TTC28: variants seen among roughly 807,000 people sequenced by gnomAD.
TTC28 encodes the protein tetratricopeptide repeat protein 28.
TTC28 carries 61 observed loss-of-function variants against 198.0 expected under a neutral mutation model. The ratio of observed to expected loss-of-function variants is 0.31; its 90% CI spans 0.25 to 0.38. The LOEUF is 0.38. Ranked by LOEUF, TTC28 falls within the 10% of genes least tolerant of loss-of-function variation. The probability of loss-of-function intolerance (pLI) is 1.00; values close to 1 mark genes in which losing one functional copy is unlikely to be tolerated. For missense variants in TTC28, 2,678 were observed against 3,164.0 expected (o/e 0.85, Z 3.69); for synonymous variants, 1,171 against 1,297.8 (o/e 0.90, Z 2.10).
At chr22:28,288,269 TCTTTTTA>T (rs1446833516) in intron 5 of TTC28, among the ~76,000 whole-genome samples, 4 of 152,220 alleles carry the variant, frequency 2.6e-5, no homozygotes, top group Non-Finnish European at 5.9e-5. Flanking sequence ...TATACCTTTT[TCTTTTTA>T]CTTTATAAAT....
At chr22:28,132,885 T>C (rs1943091758) in intron 6 of TTC28, among the ~76,000 whole-genome samples, 1 of 152,176 alleles carries the variant, frequency 6.6e-6, no homozygotes, top group South Asian at 2.1e-4. Context: ...CTATAGACAA[T>C]GTTAAATAAG....
At chr22:28,649,662 AG>A in intron 1 of TTC28, among the ~76,000 whole-genome samples, 1 of 152,236 alleles carries the variant, frequency 6.6e-6, no homozygotes, top group East Asian at 1.9e-4. Context: ...GTTACAAGTA[AG>A]TCACTACCAT....
chr22:28,594,132 T>C (rs113683327), intron 2 of TTC28, among the ~76,000 whole-genome samples: 1,655 of 152,176 alleles, frequency 0.011, 36 homozygotes, highest in East Asian at 0.084. Context: ...ACTTAGAACT[T>C]TGAAGACAAA....
chr22:28,110,754 A>G (rs1359734049), intron 6 of TTC28, among the ~76,000 whole-genome samples: 1 of 151,924 alleles, frequency 6.6e-6, no homozygotes, highest in Non-Finnish European at 1.5e-5. Flanking sequence ...GGGTAACATA[A>G]CAAGACCTTG....
intron 2 of TTC28, among the ~76,000 whole-genome samples, chr22:28,548,351 T>C (rs1207801874): frequency 6.6e-6 from 1 of 152,214 alleles, no homozygotes; most frequent in Non-Finnish European, 1.5e-5. Context: ...AAGTATGAGG[T>C]AGGGTAAGCG....
intron 2 of TTC28, among the ~76,000 whole-genome samples, chr22:28,323,107 T>G (rs1318035474): frequency 1.3e-5 from 2 of 152,202 alleles, no homozygotes; most frequent in African/African-American, 4.8e-5. Flanking sequence ...TGGACATTTT[T>G]GGGGTGCCAT....
At chr22:28,390,430 G>A (rs1390494663) in intron 2 of TTC28, among the ~76,000 whole-genome samples, 1 of 152,056 alleles carries the variant, frequency 6.6e-6, no homozygotes, top group East Asian at 1.9e-4. Context: ...TCTGTCTAAT[G>A]TTGACAGTGG....
chr22:28,230,177 A>G (rs976914809), intron 5 of TTC28, among the ~76,000 whole-genome samples: 1 of 152,240 alleles, frequency 6.6e-6, no homozygotes, highest in African/African-American at 2.4e-5. Flanking sequence ...AGAAAAATTC[A>G]GTCTCCTTTT....
intron 5 of TTC28, among the ~76,000 whole-genome samples, chr22:28,174,582 G>A (rs1394087436): frequency 6.6e-6 from 1 of 152,100 alleles, no homozygotes; most frequent in Admixed American, 6.6e-5. Context: ...CACCACTGGT[G>A]GGCACCTGTA....
chr22:28,417,301 A>G (rs1016616725), intron 2 of TTC28, among the ~76,000 whole-genome samples: 11 of 76,906 alleles, frequency 1.4e-4, no homozygotes, highest in Admixed American at 1.2e-4. Context: ...TGTCTCTACT[A>G]AAAAAAAAAA....
At chr22:28,545,312 A>G (rs1022287864) in intron 2 of TTC28, among the ~76,000 whole-genome samples, 6 of 152,174 alleles carry the variant, frequency 3.9e-5, no homozygotes, top group Non-Finnish European at 8.8e-5. Context: ...GTTTACACCT[A>G]TAATCCTAGC....
At chr22:28,648,481 C>A (rs1027312008) in intron 1 of TTC28, among the ~76,000 whole-genome samples, 17 of 152,202 alleles carry the variant, frequency 1.1e-4, no homozygotes, top group African/African-American at 3.9e-4. Context: ...ATCCAACAAT[C>A]CCACTACTGG....
chr22:28,522,547 T>G (rs1156705049), intron 2 of TTC28, among the ~76,000 whole-genome samples: 2 of 149,270 alleles, frequency 1.3e-5, no homozygotes, highest in Non-Finnish European at 3.0e-5. Context: ...AAAATTGCAG[T>G]AGAGGATTAA....
chr22:28,578,530 T>TACAG (rs2050184411), intron 2 of TTC28, among the ~76,000 whole-genome samples: 1 of 152,040 alleles, frequency 6.6e-6, no homozygotes, highest in Admixed American at 6.6e-5. Flanking sequence ...CCCCCACCAC[T>TACAG]ACAGGAACAC....
chr22:28,038,729 G>A (rs1320321921), intron 12 of TTC28, among the ~76,000 whole-genome samples: 1 of 152,198 alleles, frequency 6.6e-6, no homozygotes, highest in Non-Finnish European at 1.5e-5. Context: ...AGAGTGAACA[G>A]ACAACCTACA....
chr22:28,001,638 G>A lies in TTC28; in HGVS notation c.4219-85C>T, dbSNP rs1375031601. The A allele has an allele frequency of 2.1e-5, 30 of 1,455,236 alleles. No homozygotes were observed. The South Asian group carries it at 3.4e-4, about 16-fold the overall frequency. 90.1% of individuals were successfully genotyped at this position (1,455,236 alleles called of 1,614,324 possible). ...CCAGGACAACCCTGAGCCCTAGCCTGGATGACACAAGCACGAGCAGGTGAG... is the reference window on the plus strand; with the variant it reads ...CCAGGACAACCCTGAGCCCTAGCCTAGATGACACAAGCACGAGCAGGTGAG... On this transcript the variant is annotated intron_variant, in intron 14 of 22. Transcript: ENST00000397906.
At position 27,998,744 on chromosome 22, in the gene TTC28, T is replaced by C. The variant is rs2146540811; in HGVS notation, c.4915A>G (p.Ile1639Val). Residue 1639 changes from isoleucine to valine, a missense_variant, in exon 16 of 23, where the codon ATC (isoleucine) becomes GTC (valine). Around this residue, in one of 8 missense-constraint regions of TTC28, gnomAD observed 314 missense variants for 442.7 expected, o/e 0.71. Coordinates refer to ENST00000397906, the MANE Select transcript of TTC28 (RefSeq NM_001145418.2). ...SNSKVTADGV[I>V]ALTRAFLAAG... ...GCCAGGAAGGCCCTTGTCAGCGCGA[T>C]GACCCCGTCGGCTGTGACTTTGCTG... The C allele has an allele frequency of 1.9e-6, 3 of 1,550,788 alleles. No homozygotes were observed. Among genetic ancestry groups the C allele is most frequent in the Middle Eastern group, 3.3e-4 (2 of 5,992 alleles).
Position 28,098,921 on chromosome 22 carries a change from T to G in TTC28, c.3541A>C (p.Ser1181Arg), listed in dbSNP as rs1482119578. 1 of 1,551,654 alleles carries G rather than the reference T, an allele frequency of 6.4e-7. No individual in the cohort carries two copies. Among genetic ancestry groups the G allele is most frequent in the South Asian group, 1.2e-5 (1 of 84,054 alleles). ...SYQALQRVLVSLGHHDEALAV... is the reference protein window; with the variant it reads ...SYQALQRVLVRLGHHDEALAV... ...TAACCCCAGCTGTTCTCACCTAGGC[T>G]GACGAGCACCCGCTGCAAGGCCTGG... Residue 1181 changes from serine to arginine, a missense_variant, in exon 10 of 23, where the codon AGC (serine) becomes CGC (arginine). Transcript: ENST00000397906.
intron 12 of TTC28, 114 bp from the exon 13 acceptor site, chr22:28,030,480 C>T (rs1485757945): frequency 4.6e-6 from 6 of 1,317,446 alleles, no homozygotes; most frequent in Non-Finnish European, 6.2e-6. Context: ...GTACCGTTGT[C>T]TCCAGATGAC....
Sources: gnomAD v4.1 joint callset for allele counts (sites outside exome capture counted in the v4.1 genomes callset) on GRCh38, gnomAD v4.1.1 for gene constraint, gnomAD v4.1.1 regional missense constraint, MANE v1.5 for transcripts, NCBI Gene and HGNC (gene_info 2026-07-23, HGNC 2026-07-21) for gene names.